PTK7: variants seen among roughly 807,000 people sequenced by gnomAD.
PTK7 encodes the protein protein tyrosine kinase 7 (inactive).
PTK7 carries 39 observed loss-of-function variants against 116.6 expected under a neutral mutation model. The observed-to-expected ratio is 0.33, with a 90% CI of 0.26 to 0.44. The LOEUF is 0.44. PTK7 is among the 20% of genes least tolerant of loss of function. The pLI is 1.00. For missense variants in PTK7, 1,169 were observed against 1,425.6 expected (o/e 0.82, Z 2.90); for synonymous variants, 546 against 563.6 (o/e 0.97, Z 0.44).
chr6:43,102,622 A>G (rs1767650097), intron 1 of PTK7, among the ~76,000 whole-genome samples: 1 of 151,962 alleles, frequency 6.6e-6, no homozygotes, highest in Non-Finnish European at 1.5e-5. Context: ...AAAAAAAAAC[A>G]AACCAACCGC....
intron 1 of PTK7, among the ~76,000 whole-genome samples, chr6:43,086,951 G>A (rs1766694924): frequency 6.6e-6 from 1 of 152,248 alleles, no homozygotes; most frequent in South Asian, 2.1e-4. Flanking sequence ...CAGACATCTT[G>A]AGCAGTGCAC....
At chr6:43,090,516 A>C (rs1317259174) in intron 1 of PTK7, among the ~76,000 whole-genome samples, 2 of 152,180 alleles carry the variant, frequency 1.3e-5, no homozygotes, top group Non-Finnish European at 2.9e-5. Flanking sequence ...GAGGGACCCC[A>C]GCAGGTTTGG....
chr6:43,154,548 T>G (rs978161620), intron 17 of PTK7, among the ~76,000 whole-genome samples: 2 of 152,232 alleles, frequency 1.3e-5, no homozygotes, highest in South Asian at 2.1e-4. Flanking sequence ...CTCTATTTTC[T>G]ATTCCCTTTT....
rs901486666 is a variant in PTK7 at position 43,100,423 on chromosome 6, T to A, written c.79+23856T>A. Among the ~76,000 whole-genome samples the A allele has an allele frequency of 4.1e-5, 6 of 146,526 alleles. No homozygotes were observed. The South Asian group carries it at 6.6e-4, about 16-fold the overall frequency. Reference sequence around the variant, plus strand: ...TCATTAGGGTTTTTTTAAAAAAAAATGATAGACATTACTACTTGTAACTTT... The same window carrying A: ...TCATTAGGGTTTTTTTAAAAAAAAAAGATAGACATTACTACTTGTAACTTT... On this transcript the variant is annotated intron_variant, in intron 1 of 19. Transcript: ENST00000230419.
At chr6:43,142,456 G>A (rs1371829076) in intron 13 of PTK7, 157 bp downstream of exon 13, 4 of 1,179,458 alleles carry the variant, frequency 3.4e-6, no homozygotes, top group Admixed American at 2.0e-5. Flanking sequence ...CAGTCTTAGA[G>A]TCCTTGCTCA....
rs1051662409 is a variant in PTK7, at chr6:43,143,463, C to T, written c.2094C>T (p.Pro698=). The T allele has an allele frequency of 6.2e-6, 10 of 1,613,934 alleles. No individual in the cohort carries two copies. The African/African-American group carries it at 6.7e-5, about 11-fold the overall frequency. ...CGGAGGGCCCTGGCAGCCCTCCCCC[C>T]TACAAGATGATCCAGACCATTGGGT... The part of the protein sequence containing the change: ...EESEGPGSPP[P]YKMIQTIGLS... The change falls in exon 14 of 20, where the codon CCC becomes CCT. Residue 698 remains proline, a synonymous_variant. Transcript: ENST00000230419. This position sits in a 1 kb window ranked among gnomAD's most constrained non-coding sequence, Gnocchi z 4.2.
At chr6:43,090,290 C>T (rs1022846882) in intron 1 of PTK7, among the ~76,000 whole-genome samples, 2 of 152,246 alleles carry the variant, frequency 1.3e-5, no homozygotes, top group South Asian at 4.1e-4. Context: ...ATAGCCCCAC[C>T]AGTGAGTAAA....
At chr6:43,084,335 G>A (rs1766539733) in intron 1 of PTK7, among the ~76,000 whole-genome samples, 1 of 152,164 alleles carries the variant, frequency 6.6e-6, no homozygotes, top group African/African-American at 2.4e-5. Context: ...TAGAGGCGAG[G>A]TCTTGCTGTG....
chr6:43,157,364 A>T (rs796962935), intron 17 of PTK7, among the ~76,000 whole-genome samples: 42,459 of 54,316 alleles, frequency 0.78, 15,836 homozygotes, highest in Middle Eastern at 0.83. Flanking sequence ...ATATATATAT[A>T]TTTTTTTTTT....
chr6:43,142,702 T>G, intron 13 of PTK7: 1 of 276,230 alleles, frequency 3.6e-6, no homozygotes, highest in Non-Finnish European at 7.1e-6. Context: ...CACTTAACTC[T>G]CTGCCCCTGG....
At chr6:43,158,159 C>T (rs1275408784) in intron 17 of PTK7, among the ~76,000 whole-genome samples, 1 of 151,828 alleles carries the variant, frequency 6.6e-6, no homozygotes, top group African/African-American at 2.4e-5. Flanking sequence ...ATTAGCTGGG[C>T]GTAGTGGCAG....
chr6:43,152,229 T>C (rs1771159917), intron 17 of PTK7, among the ~76,000 whole-genome samples: 1 of 151,394 alleles, frequency 6.6e-6, no homozygotes, highest in Non-Finnish European at 1.5e-5. Flanking sequence ...TCTTCACTGT[T>C]GATAAAGAAA....
Position 43,129,390 on chromosome 6 carries a change from C to T in PTK7, c.367+126C>T. 2 of 1,254,934 alleles carry T rather than the reference C, an allele frequency of 1.6e-6. No individual in the cohort carries two copies. The highest frequency in any genetic ancestry group is 3.0e-5 in the South Asian group (2 of 66,338). The allele number at this position is 1,254,934 out of a possible 1,614,324, so 77.7% of individuals were successfully genotyped here. ...AACGGGCCAGGCAGAATGCATTTAT[C>T]ATCAGCTTTTTTTGCTCATGTGGAT... On this transcript the variant is annotated intron_variant, in intron 2 of 19. Transcript: ENST00000230419. The surrounding 1 kb of genome is among the most constrained non-coding windows in gnomAD (Gnocchi z 4.5).
At chr6:43,116,651 T>TGCGC (rs879197725) in intron 1 of PTK7, among the ~76,000 whole-genome samples, 3 of 77,214 alleles carry the variant, frequency 3.9e-5, no homozygotes, top group African/African-American at 1.3e-4. Context: ...TGTGTGTGTG[T>TGCGC]GCGCGCGCAC....
intron 1 of PTK7, among the ~76,000 whole-genome samples, chr6:43,116,654 GCGCGCA>G (rs200199711): frequency 0.02 from 1,333 of 65,634 alleles, 24 homozygotes; most frequent in Middle Eastern, 0.05. Flanking sequence ...GTGTGTGTGC[GCGCGCA>G]CGCACGCACG....
chr6:43,160,725 G>T lies in PTK7; in HGVS notation c.3057G>T (p.Leu1019Phe). 1 of 1,614,090 alleles carries T rather than the reference G, an allele frequency of 6.2e-7. No individual in the cohort carries two copies. The highest frequency in any genetic ancestry group is 8.5e-7 in the Non-Finnish European group (1 of 1,179,978). The change falls in exon 20 of 20, where the codon TTG becomes TTT. Residue 1019 changes from leucine (L) to phenylalanine (F), a missense_variant. By Grantham distance (22) the Leu-to-Phe change is conservative. Coordinates refer to ENST00000230419, the MANE Select transcript of PTK7 (RefSeq NM_002821.5). ...CACCTGCTGTCTTCCCTACAGATTTGCAGGCTGGGAAGGCTAGACTTCCTC... is the reference window on the plus strand; with the variant it reads ...CACCTGCTGTCTTCCCTACAGATTTTCAGGCTGGGAAGGCTAGACTTCCTC... ...GQADDEVLAD[L>F]QAGKARLPQP... is the part of the protein sequence containing the mutation.
In PTK7 at chr6:43,130,317, G is replaced by A. The variant is rs540004366; in HGVS notation, c.558G>A (p.Thr186=). 5.0e-6 allele frequency: 8 copies of A among 1,612,440 alleles called. No homozygotes were observed. Among genetic ancestry groups the A allele is most frequent in the Admixed American group, 1.7e-5 (1 of 59,972 alleles). Residue 186 remains threonine (T), a synonymous_variant, in exon 4 of 20, where the codon ACG becomes ACA. Transcript: ENST00000230419. ...TCAGCAGCAAGGAGCGGAACCTGAC[G>A]CTCCGGCCAGCTGGTCCTGAGCATA... ...HTVSSKERNL[T]LRPAGPEHSG...
chr6:43,107,174 T>C (rs1767943275), intron 1 of PTK7, among the ~76,000 whole-genome samples: 1 of 152,116 alleles, frequency 6.6e-6, no homozygotes, highest in Non-Finnish European at 1.5e-5. Flanking sequence ...TCTGCCATCC[T>C]CGACCTCCCA....
intron 1 of PTK7, among the ~76,000 whole-genome samples, chr6:43,077,425 T>G (rs1290212731): frequency 6.6e-6 from 1 of 150,652 alleles, no homozygotes; most frequent in Non-Finnish European, 1.5e-5. Flanking sequence ...TGGCTTTTCT[T>G]GGGGGGGGGC....
Sources: allele counts gnomAD v4.1 joint callset (sites outside exome capture counted in the v4.1 genomes callset), GRCh38; gene constraint gnomAD v4.1.1; non-coding constraint Gnocchi (gnomAD v3.1); transcripts MANE v1.5; gene names NCBI Gene and HGNC (gene_info 2026-07-23, HGNC 2026-07-21).